The following PPARGC1A variants were observed in gnomAD, a reference collection of about 807,000 sequenced individuals.
PPARGC1A encodes peroxisome proliferator-activated receptor gamma coactivator 1-alpha.
Under a neutral mutation model 88.7 loss-of-function variants are expected in PPARGC1A, and 25 were observed. The ratio of observed to expected loss-of-function variants is 0.28; its 90% CI spans 0.21 to 0.39. The LOEUF (loss-of-function observed/expected upper bound fraction) is 0.39, where lower values mean the gene tolerates loss of function less well. Among genes scored for constraint, PPARGC1A ranks in the 10% least tolerant of loss-of-function variants. The probability of loss-of-function intolerance (pLI) is 1.00; values close to 1 mark genes in which losing one functional copy is unlikely to be tolerated. For synonymous variants in PPARGC1A, 363 were observed against 355.6 expected, an observed-to-expected ratio of 1.02 and a Z score of -0.24; for missense variants, 880 against 968.7, an observed-to-expected ratio of 0.91 and a Z score of 1.22.
chr4:24,457,226 C>T, the PPARGC1A span, among the ~76,000 whole-genome samples: 2 of 152,126 alleles, frequency 1.3e-5, no homozygotes, highest in Non-Finnish European at 2.9e-5. Context: ...CTCCAGAATG[C>T]ACTTTCTTGG....
chr4:24,428,678 G>T, the PPARGC1A span, among the ~76,000 whole-genome samples: 1,506 of 152,274 alleles, frequency 9.9e-3, 15 homozygotes, highest in African/African-American at 0.035. Context: ...AGGAGTGGCT[G>T]GTACATCTTC....
intron 2 of PPARGC1A, chr4:23,866,173 C>T (rs1711941176): frequency 6.6e-6 from 1 of 152,206 alleles, no homozygotes; most frequent in East Asian, 1.9e-4. Context: ...TTTTAAATTA[C>T]ACACTGCAAA....
the PPARGC1A span, among the ~76,000 whole-genome samples, chr4:24,076,389 C>T: frequency 2.0e-5 from 3 of 152,272 alleles, no homozygotes; most frequent in South Asian, 6.2e-4. Flanking sequence ...TATATACATT[C>T]TGCCTATTCT....
At chr4:23,862,733 G>A (rs1731437772) in intron 2 of PPARGC1A, among the ~76,000 whole-genome samples, 1 of 152,154 alleles carries the variant, frequency 6.6e-6, no homozygotes, top group African/African-American at 2.4e-5. Context: ...TATTATTATT[G>A]GCAAGAAGAA....
At chr4:24,213,148 C>T in the PPARGC1A span, among the ~76,000 whole-genome samples, 1 of 148,066 alleles carries the variant, frequency 6.8e-6, no homozygotes, top group Admixed American at 6.8e-5. Flanking sequence ...CTGGTCAGGG[C>T]ACAACTGATT....
At chr4:24,204,996 T>A in the PPARGC1A span, among the ~76,000 whole-genome samples, 2 of 152,106 alleles carry the variant, frequency 1.3e-5, no homozygotes, top group Non-Finnish European at 2.9e-5. Context: ...TAATTGTTCT[T>A]GTATTTTTAG....
the PPARGC1A span, among the ~76,000 whole-genome samples, chr4:24,386,929 C>A: frequency 7.2e-5 from 11 of 152,156 alleles, no homozygotes; most frequent in African/African-American, 2.4e-4. Flanking sequence ...GCCCGTATAG[C>A]AAAGACAATC....
At chr4:24,228,160 C>A in the PPARGC1A span, among the ~76,000 whole-genome samples, 2 of 152,120 alleles carry the variant, frequency 1.3e-5, no homozygotes, top group Non-Finnish European at 2.9e-5. Flanking sequence ...GTGATCTAAT[C>A]CTTGGTTACA....
At chr4:24,050,212 T>TTTTTTTTTTG in the PPARGC1A span, among the ~76,000 whole-genome samples, 1 of 148,918 alleles carries the variant, frequency 6.7e-6, no homozygotes. Flanking sequence ...TTTTTTTTTT[T>TTTTTTTTTTG]TGAGATGGAG....
chr4:24,127,518 A>C, the PPARGC1A span, among the ~76,000 whole-genome samples: 1 of 151,880 alleles, frequency 6.6e-6, no homozygotes, highest in African/African-American at 2.4e-5. Flanking sequence ...GAATCATATG[A>C]TTAACTTTAT....
At chr4:23,932,022 T>C in the PPARGC1A span, among the ~76,000 whole-genome samples, 1 of 152,230 alleles carries the variant, frequency 6.6e-6, no homozygotes, top group Non-Finnish European at 1.5e-5. Context: ...ATCAGGCACA[T>C]GGTAGTTATA....
At chr4:24,380,818 G>A in the PPARGC1A span, among the ~76,000 whole-genome samples, 4 of 152,024 alleles carry the variant, frequency 2.6e-5, no homozygotes, top group African/African-American at 4.8e-5. Flanking sequence ...CAGTGGTGTC[G>A]TTACCTAAAT....
chr4:24,185,831 C>T, the PPARGC1A span, among the ~76,000 whole-genome samples: 2 of 134,126 alleles, frequency 1.5e-5, no homozygotes, highest in Non-Finnish European at 3.2e-5. Context: ...TATTCCCCAG[C>T]GCACCAGCAT....
At chr4:24,013,179 G>A in the PPARGC1A span, among the ~76,000 whole-genome samples, 5 of 152,008 alleles carry the variant, frequency 3.3e-5, no homozygotes, top group African/African-American at 9.7e-5. Flanking sequence ...CAGCACTAAC[G>A]TATCACAAAT....
At chr4:23,817,583 A>G (rs902040998) in intron 7 of PPARGC1A, among the ~76,000 whole-genome samples, 2 of 152,184 alleles carry the variant, frequency 1.3e-5, no homozygotes, top group Non-Finnish European at 1.5e-5. Context: ...ATGCCCTGTG[A>G]GTAAAAATAT....
chr4:23,921,878 A>G, the PPARGC1A span, among the ~76,000 whole-genome samples: 3 of 152,204 alleles, frequency 2.0e-5, no homozygotes, highest in East Asian at 1.9e-4. Context: ...CCCCAAAATT[A>G]TGGTGTGGTA....
chr4:24,334,563 C>T, the PPARGC1A span, among the ~76,000 whole-genome samples: 2 of 152,156 alleles, frequency 1.3e-5, no homozygotes, highest in Non-Finnish European at 2.9e-5. Flanking sequence ...AATTTTTAAC[C>T]ACAGTCTTGG....
chr4:24,016,381 CATGTATAACCAAAGACA>C, the PPARGC1A span, among the ~76,000 whole-genome samples: 1 of 152,114 alleles, frequency 6.6e-6, no homozygotes, highest in Admixed American at 6.5e-5. Context: ...TCAGTGACTT[CATGTATAACCAAAGACA>C]ATTATTTTCT....
chr4:23,886,467 C>T (rs981868930), intron 1 of PPARGC1A, among the ~76,000 whole-genome samples: 1 of 152,018 alleles, frequency 6.6e-6, no homozygotes, highest in African/African-American at 2.4e-5. Flanking sequence ...TCATTGCCAT[C>T]CTTCTCTAAG....
Sources: allele counts gnomAD v4.1 joint callset (sites outside exome capture counted in the v4.1 genomes callset), GRCh38; gene constraint gnomAD v4.1.1; transcripts MANE v1.5; gene names NCBI Gene and HGNC (gene_info 2026-07-23, HGNC 2026-07-21).